ENOX1: variants seen among roughly 807,000 people sequenced by gnomAD.
ENOX1 encodes the protein ecto-NOX disulfide-thiol exchanger 1.
A neutral mutation model predicts 82.5 loss-of-function variants in ENOX1; 42 were observed. The ratio of observed to expected loss-of-function variants is 0.51; its 90% confidence interval spans 0.40 to 0.66. The LOEUF (loss-of-function observed/expected upper bound fraction) is 0.66, where lower values mean the gene tolerates loss of function less well. Ranked by LOEUF, ENOX1 falls within the 30% of genes least tolerant of loss-of-function variation. ENOX1 has a pLI of 0.00. For synonymous variants in ENOX1, 271 were observed against 282.2 expected (o/e 0.96, Z 0.40); for missense variants, 608 against 811.6 (o/e 0.75, Z 3.05).
rs533215829 is a variant in ENOX1 at position 43,441,298 on chromosome 13, A to T, written c.-74-28310T>A. On this transcript the variant is annotated intron_variant, in intron 3 of 16. Transcript: ENST00000690772. ...TAAGAAAAAAAATTCCTTATTAACT[A>T]ATGACTCCAGTTAACTGATTGAAAT... Among the ~76,000 whole-genome samples, 17 of 152,300 alleles carry T rather than the reference A, an allele frequency of 1.1e-4. No homozygotes were observed. In the South Asian group the frequency reaches 3.3e-3, roughly 30 times the overall value.
intron 11 of ENOX1, among the ~76,000 whole-genome samples, chr13:43,312,324 A>C (rs750771994): frequency 6.6e-6 from 1 of 152,192 alleles, no homozygotes. Context: ...AAGCCTCGGG[A>C]ATAGAGAAAC....
At chr13:43,543,007 C>T (rs2078810515) in intron 2 of ENOX1, among the ~76,000 whole-genome samples, 1 of 152,146 alleles carries the variant, frequency 6.6e-6, no homozygotes, top group Admixed American at 6.5e-5. Context: ...AAGGCCCTAC[C>T]ACCTAATACC....
chr13:43,722,521 T>A (rs1354850204), intron 1 of ENOX1, among the ~76,000 whole-genome samples: 1 of 152,198 alleles, frequency 6.6e-6, no homozygotes, highest in Non-Finnish European at 1.5e-5. Flanking sequence ...AGTACAGGAC[T>A]ACCTAAGATT....
intron 1 of ENOX1, among the ~76,000 whole-genome samples, chr13:43,691,610 C>A (rs1391132470): frequency 6.6e-6 from 1 of 151,878 alleles, no homozygotes; most frequent in African/African-American, 2.4e-5. Flanking sequence ...TAGTATGTAC[C>A]TCCTCATTAA....
At chr13:43,313,323 G>A (rs575573518) in intron 11 of ENOX1, among the ~76,000 whole-genome samples, 11 of 152,146 alleles carry the variant, frequency 7.2e-5, no homozygotes, top group African/African-American at 2.6e-4. Flanking sequence ...ATGTGGTCTG[G>A]GAAGGTAAGC....
At position 43,675,177 on chromosome 13, in the gene ENOX1, A is replaced by T. The variant is rs57838725; in HGVS notation, c.-284-7633T>A. On this transcript the variant is annotated intron_variant, in intron 1 of 16. Coordinates refer to ENST00000690772, the MANE Select transcript of ENOX1 (RefSeq NM_001347969.2). Reference sequence around the variant, plus strand: ...TGGATCACAGAGAGGCAATCAACAGAGGCTGATGATGGTGGTCTAGTCTAC... The same window carrying T: ...TGGATCACAGAGAGGCAATCAACAGTGGCTGATGATGGTGGTCTAGTCTAC... Among the ~76,000 whole-genome samples, 3 of 152,176 alleles carry T rather than the reference A, an allele frequency of 2.0e-5. No homozygotes were observed. The East Asian group carries it at 5.8e-4, about 29-fold the overall frequency.
intron 3 of ENOX1, among the ~76,000 whole-genome samples, chr13:43,414,208 A>G (rs1416032896): frequency 2.6e-5 from 4 of 152,172 alleles, no homozygotes; most frequent in African/African-American, 9.7e-5. Flanking sequence ...ATGGAAGCTA[A>G]GGGTTCAATT....
chr13:43,720,667 C>A (rs185643047), intron 1 of ENOX1, among the ~76,000 whole-genome samples: 3 of 152,230 alleles, frequency 2.0e-5, no homozygotes, highest in Non-Finnish European at 4.4e-5. Flanking sequence ...GTAAGTGAAG[C>A]CTGATGGGAC....
intron 2 of ENOX1, among the ~76,000 whole-genome samples, chr13:43,664,359 G>A (rs1442486219): frequency 6.6e-6 from 1 of 152,124 alleles, no homozygotes; most frequent in Admixed American, 6.5e-5. Flanking sequence ...GGCACCTGAG[G>A]TTTTATTTCT....
At chr13:43,423,488 C>G (rs1053360254) in intron 3 of ENOX1, among the ~76,000 whole-genome samples, 19 of 152,142 alleles carry the variant, frequency 1.2e-4, no homozygotes, top group African/African-American at 4.1e-4. Flanking sequence ...CAGGTAAAAC[C>G]TGAGTTTATC....
intron 2 of ENOX1, among the ~76,000 whole-genome samples, chr13:43,652,931 G>T (rs1105856): frequency 0.52 from 79,694 of 152,044 alleles, 21,089 homozygotes; most frequent in Middle Eastern, 0.64. Context: ...TAAACAGATT[G>T]TAAAGGGGAG....
intron 1 of ENOX1, among the ~76,000 whole-genome samples, chr13:43,738,573 C>T (rs2089741726): frequency 6.6e-6 from 1 of 152,076 alleles, no homozygotes; most frequent in Admixed American, 6.6e-5. Flanking sequence ...AACAATAATT[C>T]TTTAGTTGCA....
At chr13:43,277,727 G>A (rs574634336) in intron 12 of ENOX1, among the ~76,000 whole-genome samples, 2 of 152,314 alleles carry the variant, frequency 1.3e-5, no homozygotes, top group East Asian at 3.9e-4. Flanking sequence ...CAGAGAACAA[G>A]GACTTAGAGC....
intron 2 of ENOX1, among the ~76,000 whole-genome samples, chr13:43,616,165 T>TATATAG (rs1566641699): frequency 0.024 from 137 of 5,636 alleles, 11 homozygotes; most frequent in African/African-American, 0.035. Context: ...TAGATATCTA[T>TATATAG]CTATCTATCT....
At chr13:43,597,065 A>G (rs1361101862) in intron 2 of ENOX1, among the ~76,000 whole-genome samples, 1 of 152,220 alleles carries the variant, frequency 6.6e-6, no homozygotes, top group Non-Finnish European at 1.5e-5. Context: ...TCAGAAGGCG[A>G]AGGGGAAGAA....
intron 3 of ENOX1, among the ~76,000 whole-genome samples, chr13:43,450,642 G>A (rs1050975011): frequency 1.1e-4 from 16 of 152,218 alleles, no homozygotes; most frequent in African/African-American, 3.9e-4. Flanking sequence ...GTGGTATAGG[G>A]ACGGTTCCTA....
intron 3 of ENOX1, among the ~76,000 whole-genome samples, chr13:43,447,011 G>A (rs1329443945): frequency 6.6e-6 from 1 of 152,168 alleles, no homozygotes; most frequent in Admixed American, 6.5e-5. Flanking sequence ...TGCCTTAGAG[G>A]GCCATGAGAA....
chr13:43,332,753 T>G (rs2048479030), intron 9 of ENOX1, among the ~76,000 whole-genome samples: 1 of 152,128 alleles, frequency 6.6e-6, no homozygotes. Flanking sequence ...AATCTAATAG[T>G]TCCTCAAAAT....
At position 43,412,020 on chromosome 13, in the gene ENOX1, G is replaced by A. The variant is rs1413498099; in HGVS notation, c.104C>T (p.Thr35Met). 3.1e-6 allele frequency: 5 copies of A among 1,614,118 alleles called. No individual in the cohort carries two copies. Among genetic ancestry groups the A allele is most frequent in the South Asian group, 2.2e-5 (2 of 91,078 alleles). The change falls in exon 5 of 17, where the codon ACG becomes ATG. Residue 35 changes from threonine (T) to methionine (M), a missense_variant. Physicochemically the swap from Thr to Met is moderately conservative, Grantham distance 81. Transcript: ENST00000690772. Reference sequence around the variant, plus strand: ...TGTCACGGACATGTTGAGCTGGGTCGTGTCTATCGCTATACTCCCCAAACC... The same window carrying A: ...TGTCACGGACATGTTGAGCTGGGTCATGTCTATCGCTATACTCCCCAAACC... Reference protein sequence around the residue: ...ADGLGSIAIDTTQLNMSVTDP... With the variant: ...ADGLGSIAIDMTQLNMSVTDP...
Sources: allele counts gnomAD v4.1 joint callset (sites outside exome capture counted in the v4.1 genomes callset), GRCh38; gene constraint gnomAD v4.1.1; transcripts MANE v1.5; gene names NCBI Gene and HGNC (gene_info 2026-07-23, HGNC 2026-07-21).